TENM2: variants seen among roughly 807,000 people sequenced by gnomAD.
The protein encoded by TENM2 is teneurin-2.
TENM2 carries 52 observed loss-of-function variants against 245.2 expected under a neutral mutation model. The observed-to-expected ratio is 0.21, with a 90% confidence interval of 0.17 to 0.27. The LOEUF is 0.27. Ranked by LOEUF, TENM2 falls within the 10% of genes least tolerant of loss-of-function variation. TENM2 has a pLI of 1.00. For missense variants in TENM2, 3,046 were observed against 3,666.8 expected (o/e 0.83, Z 4.37); for synonymous variants, 1,363 against 1,438.9 (o/e 0.95, Z 1.19).
chr5:168,227,865 C>G (rs1163500115), intron 24 of TENM2, 30 bp from the exon 27 acceptor site: 1 of 1,428,740 alleles, frequency 7.0e-7, no homozygotes, highest in Non-Finnish European at 9.7e-7. Context: ...ATTTATTTCC[C>G]TATCCCCACC....
chr5:167,493,165 CACTT>C (rs1256122229), intron 2 of TENM2, among the ~76,000 whole-genome samples: 1 of 151,984 alleles, frequency 6.6e-6, no homozygotes, highest in Non-Finnish European at 1.5e-5. Context: ...TGTAATCCAG[CACTT>C]TAGAAGGCCA....
chr5:167,587,304 A>T (rs1328607734), intron 2 of TENM2, among the ~76,000 whole-genome samples: 1 of 152,206 alleles, frequency 6.6e-6, no homozygotes, highest in African/African-American at 2.4e-5. Flanking sequence ...TTTAAATAGA[A>T]TTTTCAATAT....
intron 12 of TENM2, among the ~76,000 whole-genome samples, chr5:168,142,275 A>G (rs79673178): frequency 0.011 from 1,617 of 152,356 alleles, 42 homozygotes; most frequent in African/African-American, 0.037. Flanking sequence ...GTGAAAGTCT[A>G]GTTTAGCTAA....
the TENM2 span, among the ~76,000 whole-genome samples, chr5:167,105,371 T>G: frequency 6.6e-6 from 1 of 152,214 alleles, no homozygotes; most frequent in Non-Finnish European, 1.5e-5. Context: ...TTCTTTTTTC[T>G]CATTCTCACT....
At chr5:167,866,136 A>G (rs1427494486) in intron 2 of TENM2, among the ~76,000 whole-genome samples, 1 of 152,202 alleles carries the variant, frequency 6.6e-6, no homozygotes, top group Admixed American at 6.5e-5. Flanking sequence ...GAGTGTGGTG[A>G]TCAGAAAAGA....
At chr5:167,197,268 G>A in the TENM2 span, among the ~76,000 whole-genome samples, 1 of 152,094 alleles carries the variant, frequency 6.6e-6, no homozygotes, top group African/African-American at 2.4e-5. Context: ...TCCAAAGCGT[G>A]TGCTATTTCT....
intron 1 of TENM2, among the ~76,000 whole-genome samples, chr5:167,313,724 C>T (rs910500362): frequency 1.3e-5 from 2 of 152,200 alleles, no homozygotes; most frequent in Non-Finnish European, 2.9e-5. Context: ...CCATCATTCA[C>T]TCTATCTCTG....
At chr5:167,431,970 T>TATATATATATATAC (rs199737580) in intron 2 of TENM2, among the ~76,000 whole-genome samples, 2 of 135,528 alleles carry the variant, frequency 1.5e-5, no homozygotes, top group African/African-American at 5.7e-5. Flanking sequence ...TGTATATATA[T>TATATATATATATAC]ATATATATGG....
At chr5:167,017,950 T>C in the TENM2 span, among the ~76,000 whole-genome samples, 1 of 152,126 alleles carries the variant, frequency 6.6e-6, no homozygotes, top group East Asian at 1.9e-4. Flanking sequence ...AATAGGAAAA[T>C]GGGGAAAAGA....
At chr5:168,249,208 A>C (rs1335851810) in intron 27 of TENM2, among the ~76,000 whole-genome samples, 4 of 152,058 alleles carry the variant, frequency 2.6e-5, no homozygotes, top group Non-Finnish European at 5.9e-5. Flanking sequence ...TGTTATTAAC[A>C]TTGTCATTAC....
At chr5:168,121,962 G>A (rs1264617255) in intron 10 of TENM2, among the ~76,000 whole-genome samples, 3 of 152,124 alleles carry the variant, frequency 2.0e-5, no homozygotes, top group South Asian at 2.1e-4. Context: ...CCCCAAATAC[G>A]ATTTTTTTTC....
chr5:167,339,196 A>G (rs925202343), intron 1 of TENM2, among the ~76,000 whole-genome samples: 2 of 152,232 alleles, frequency 1.3e-5, no homozygotes, highest in Admixed American at 6.5e-5. Context: ...ATGAGACTCA[A>G]TGCATCTTAG....
At chr5:167,797,522 G>A (rs1765404368) in intron 2 of TENM2, among the ~76,000 whole-genome samples, 1 of 152,172 alleles carries the variant, frequency 6.6e-6, no homozygotes, top group South Asian at 2.1e-4. Flanking sequence ...GCACCTGCAA[G>A]CGTTTGTGGC....
chr5:168,239,384 T>C (rs1347162785), intron 25 of TENM2, among the ~76,000 whole-genome samples: 1 of 152,198 alleles, frequency 6.6e-6, no homozygotes, highest in Non-Finnish European at 1.5e-5. Flanking sequence ...CCCAGGGATA[T>C]GGTAAATTTG....
intron 5 of TENM2, among the ~76,000 whole-genome samples, chr5:168,009,427 G>A (rs1785061923): frequency 6.6e-6 from 1 of 152,224 alleles, no homozygotes; most frequent in African/African-American, 2.4e-5. Flanking sequence ...GCTGAAGGGT[G>A]AGATGGATGA....
At chr5:167,334,201 A>G (rs1299954409) in intron 1 of TENM2, among the ~76,000 whole-genome samples, 1 of 152,182 alleles carries the variant, frequency 6.6e-6, no homozygotes, top group Non-Finnish European at 1.5e-5. Flanking sequence ...TAAGTAGCTT[A>G]CTAAAGTTCA....
chr5:167,499,088 C>T (rs1045233995), intron 2 of TENM2, among the ~76,000 whole-genome samples: 2 of 152,080 alleles, frequency 1.3e-5, no homozygotes, highest in African/African-American at 4.8e-5. Flanking sequence ...TGAGCTCATC[C>T]CCTTTCACAC....
the TENM2 span, among the ~76,000 whole-genome samples, chr5:167,101,835 T>TTATATATATATATTTATATATATATA: frequency 2.0e-5 from 1 of 50,860 alleles, no homozygotes; most frequent in Non-Finnish European, 3.9e-5. Flanking sequence ...CTCTTGACAT[T>TTATATATATATATTTATATATATATA]TATATATATA....
chr5:168,171,276 A>G (rs752491012), intron 13 of TENM2, among the ~76,000 whole-genome samples: 3 of 152,236 alleles, frequency 2.0e-5, no homozygotes, highest in African/African-American at 7.2e-5. Context: ...TGTAAGTTCA[A>G]TGAGTCTATT....
Sources: gnomAD v4.1 joint callset for allele counts (sites outside exome capture counted in the v4.1 genomes callset) on GRCh38, gnomAD v4.1.1 for gene constraint, MANE v1.5 for transcripts, NCBI Gene and HGNC (gene_info 2026-07-23, HGNC 2026-07-21) for gene names.